The following ULK4 variants were observed in gnomAD, a reference collection of about 807,000 sequenced individuals.
ULK4 encodes unc-51 like kinase 4.
ULK4 carries 133 observed loss-of-function variants against 160.6 expected under a neutral mutation model. The ratio of observed to expected loss-of-function variants is 0.83; its 90% CI spans 0.72 to 0.96. The LOEUF (loss-of-function observed/expected upper bound fraction) is 0.96. Among genes scored for constraint, ULK4 ranks in the 40% least tolerant of loss-of-function variants. The pLI is 0.00. For synonymous variants in ULK4, 534 were observed against 539.8 expected (o/e 0.99, Z 0.15); for missense variants, 1,580 against 1,499.5 (o/e 1.05, Z -0.89).
intron 32 of ULK4, among the ~76,000 whole-genome samples, chr3:41,494,845 A>T (rs1414808917): frequency 6.6e-6 from 1 of 152,156 alleles, no homozygotes; most frequent in Non-Finnish European, 1.5e-5. Flanking sequence ...TTCAAAGAGA[A>T]TAAAATACTT....
chr3:41,669,081 C>T (rs1028322502), intron 29 of ULK4, among the ~76,000 whole-genome samples: 1 of 152,008 alleles, frequency 6.6e-6, no homozygotes, highest in African/African-American at 2.4e-5. Flanking sequence ...CAAGAAGCAT[C>T]GGGAAGAAAT....
At chr3:41,834,643 T>C (rs1270350929) in intron 18 of ULK4, among the ~76,000 whole-genome samples, 1 of 152,236 alleles carries the variant, frequency 6.6e-6, no homozygotes, top group African/African-American at 2.4e-5. Flanking sequence ...ATAACAATCA[T>C]GGTAACTGCC....
chr3:41,865,384 A>G (rs1420901186), intron 17 of ULK4, among the ~76,000 whole-genome samples: 5 of 147,344 alleles, frequency 3.4e-5, no homozygotes, highest in Non-Finnish European at 7.5e-5. Context: ...CCCATCTCAA[A>G]TTTTTCTTTG....
intron 35 of ULK4, among the ~76,000 whole-genome samples, chr3:41,308,101 G>A (rs749326327): frequency 8.5e-5 from 13 of 152,100 alleles, no homozygotes; most frequent in Non-Finnish European, 1.8e-4. Flanking sequence ...TGACTTGCAG[G>A]GCCTGAGCAC....
intron 17 of ULK4, among the ~76,000 whole-genome samples, chr3:41,881,284 T>TAAAAAAAAAAA (rs58977381): frequency 1.6e-5 from 2 of 126,260 alleles, no homozygotes; most frequent in African/African-American, 7.2e-5. Flanking sequence ...CAGAAACTTC[T>TAAAAAAAAAAA]AAAAAAAAAA....
rs1401092036 is a variant in ULK4, at chr3:41,721,357, TATA to T, written c.2322-3499_2322-3497del. Among the ~76,000 whole-genome samples, 109 of 69,592 alleles carry T rather than the reference TATA, an allele frequency of 1.6e-3. 1 individual carries two copies. Among genetic ancestry groups the T allele is most frequent in the East Asian group, 7.1e-3 (18 of 2,532 alleles). The allele number at this position is 69,592 out of a possible 152,430, so 45.7% of individuals were successfully genotyped here. On this transcript the variant is annotated intron_variant, in intron 22 of 36. Transcript: ENST00000301831. ...AAATATATATATATATATATATATATATATATTTTTTTTTTTTTTTTTTTGAAA... is the reference window on the plus strand; with the variant it reads ...AAATATATATATATATATATATATATTATTTTTTTTTTTTTTTTTTTGAAA...
intron 31 of ULK4, among the ~76,000 whole-genome samples, chr3:41,576,109 G>A (rs1288825291): frequency 6.6e-6 from 1 of 152,132 alleles, no homozygotes; most frequent in African/African-American, 2.4e-5. Context: ...GAGGACAAAT[G>A]AAAAAATAGA....
chr3:41,394,048 T>C (rs997680699), intron 35 of ULK4, among the ~76,000 whole-genome samples: 3 of 152,158 alleles, frequency 2.0e-5, no homozygotes, highest in Non-Finnish European at 4.4e-5. Context: ...AGGAGCTTAA[T>C]GTACCAAAAA....
intron 30 of ULK4, among the ~76,000 whole-genome samples, chr3:41,661,151 G>C (rs573999581): frequency 6.6e-6 from 1 of 152,196 alleles, no homozygotes; most frequent in South Asian, 2.1e-4. Context: ...TAAATACAGT[G>C]AACAAATATT....
chr3:41,301,959 T>G (rs183640873), intron 35 of ULK4, among the ~76,000 whole-genome samples: 1 of 152,338 alleles, frequency 6.6e-6, no homozygotes, highest in Admixed American at 6.5e-5. Flanking sequence ...GGTCCAGACC[T>G]AACTGATACT....
intron 31 of ULK4, among the ~76,000 whole-genome samples, chr3:41,609,663 T>A (rs1490868449): frequency 6.6e-6 from 1 of 152,228 alleles, no homozygotes; most frequent in Non-Finnish European, 1.5e-5. Context: ...TCAAGCATTT[T>A]GAAATTTTAA....
intron 4 of ULK4, among the ~76,000 whole-genome samples, chr3:41,934,695 G>A (rs1259649503): frequency 6.6e-6 from 1 of 152,088 alleles, no homozygotes; most frequent in Non-Finnish European, 1.5e-5. Flanking sequence ...AACCAAGTAG[G>A]TTTCATGACT....
At chr3:41,665,245 C>A (rs1285990920) in intron 29 of ULK4, among the ~76,000 whole-genome samples, 1 of 151,984 alleles carries the variant, frequency 6.6e-6, no homozygotes, top group Non-Finnish European at 1.5e-5. Flanking sequence ...AGCCTGTAAG[C>A]CCACAACCAT....
At chr3:41,534,947 C>G (rs978986212) in intron 32 of ULK4, among the ~76,000 whole-genome samples, 2 of 152,062 alleles carry the variant, frequency 1.3e-5, no homozygotes, top group Admixed American at 6.5e-5. Context: ...AAAACCATAT[C>G]AAACTATATG....
chr3:41,319,578 C>T (rs1454614096), intron 35 of ULK4, among the ~76,000 whole-genome samples: 1 of 152,200 alleles, frequency 6.6e-6, no homozygotes, highest in African/African-American at 2.4e-5. Flanking sequence ...GGTACATGGT[C>T]AAAGTAGGAT....
At chr3:41,642,411 T>C (rs1321744503) in intron 30 of ULK4, among the ~76,000 whole-genome samples, 1 of 152,068 alleles carries the variant, frequency 6.6e-6, no homozygotes, top group Non-Finnish European at 1.5e-5. Flanking sequence ...CATTGTTCAA[T>C]TCCCACCTAT....
intron 35 of ULK4, among the ~76,000 whole-genome samples, chr3:41,332,082 G>A (rs756255334): frequency 1.3e-5 from 2 of 151,956 alleles, no homozygotes; most frequent in Non-Finnish European, 2.9e-5. Flanking sequence ...TTAGATCTTG[G>A]GATGTCCAAT....
chr3:41,961,548 T>TCCCCCCCCCCCCCCCCCCCC (rs1700668497), intron 1 of ULK4, among the ~76,000 whole-genome samples: 1 of 5,080 alleles, frequency 2.0e-4, no homozygotes, highest in Admixed American at 2.6e-3. Flanking sequence ...ACGTAGTCAC[T>TCCCCCCCCCCCCCCCCCCCC]CACCCCCCCC....
At chr3:41,745,371 T>C (rs957181064) in intron 22 of ULK4, among the ~76,000 whole-genome samples, 2 of 149,028 alleles carry the variant, frequency 1.3e-5, no homozygotes, top group Non-Finnish European at 2.9e-5. Context: ...AATGGAATAC[T>C]AGAAAAAAAA....
Sources: gnomAD v4.1 joint callset for allele counts (sites outside exome capture counted in the v4.1 genomes callset) on GRCh38, gnomAD v4.1.1 for gene constraint, MANE v1.5 for transcripts, NCBI Gene and HGNC (gene_info 2026-07-23, HGNC 2026-07-21) for gene names.